Variants in AOAH observed in about 807,000 individuals in gnomAD.
The protein encoded by AOAH is acyloxyacyl hydrolase (neutrophil).
A neutral mutation model predicts 92.2 loss-of-function variants in AOAH; 64 were observed. That is an observed-to-expected ratio of 0.69 (90% CI 0.57 to 0.86). The LOEUF is 0.86. Among genes scored for constraint, AOAH ranks in the 40% least tolerant of loss-of-function variants. The pLI, the probability that AOAH is intolerant of heterozygous loss-of-function variation, is 0.00. For missense variants in AOAH, 656 were observed against 694.6 expected (o/e 0.94, Z 0.62); for synonymous variants, 263 against 254.5 (o/e 1.03, Z -0.32).
chr7:36,534,302 A>T (rs1784876554), intron 16 of AOAH, among the ~76,000 whole-genome samples: 2 of 152,268 alleles, frequency 1.3e-5, no homozygotes, highest in Admixed American at 6.5e-5. Flanking sequence ...GCACCTCCTC[A>T]GTCCCTCTCC....
intron 5 of AOAH, among the ~76,000 whole-genome samples, chr7:36,635,807 A>C (rs575681569): frequency 6.6e-6 from 1 of 152,228 alleles, no homozygotes; most frequent in Admixed American, 6.5e-5. Context: ...ACATAACTTA[A>C]CCTACCCGAG....
intron 16 of AOAH, among the ~76,000 whole-genome samples, chr7:36,536,836 C>G (rs756894722): frequency 1.3e-5 from 2 of 149,014 alleles, no homozygotes; most frequent in Non-Finnish European, 3.0e-5. Context: ...GTAATCCCAG[C>G]TACTCGGGGG....
At chr7:36,632,202 C>A in intron 5 of AOAH, 96 bp from the exon 6 acceptor site, 1 of 996,690 alleles carries the variant, frequency 1.0e-6, no homozygotes, top group Non-Finnish European at 1.5e-6. Flanking sequence ...TTTCTGGATC[C>A]TCCTTCCTCT....
intron 3 of AOAH, among the ~76,000 whole-genome samples, chr7:36,672,782 T>TA (rs544240272): frequency 1.4e-4 from 21 of 150,480 alleles, no homozygotes; most frequent in Admixed American, 6.0e-4. Flanking sequence ...AACTTAAAGT[T>TA]AAAAAAAAAT....
intron 4 of AOAH, among the ~76,000 whole-genome samples, chr7:36,649,533 C>G (rs946305987): frequency 3.3e-5 from 5 of 152,192 alleles, no homozygotes; most frequent in Admixed American, 3.3e-4. Context: ...AAAATGCTAA[C>G]TAGGCAAAAA....
intron 13 of AOAH, among the ~76,000 whole-genome samples, chr7:36,565,837 G>A (rs1787669595): frequency 6.6e-6 from 1 of 152,008 alleles, no homozygotes; most frequent in African/African-American, 2.4e-5. Flanking sequence ...CACCGTGCCT[G>A]GCCAAATGTG....
Position 36,663,848 on chromosome 7 carries a change from A to G in AOAH, c.291-4583T>C, listed in dbSNP as rs1208418818. On this transcript the variant is annotated intron_variant, in intron 3 of 20. Transcript: ENST00000617537. Reference sequence around the variant, plus strand: ...TATGAATCCTGGCTTGTATGGTGAGACTATATTTTGTTTCATAAGAAACTA... The same window carrying G: ...TATGAATCCTGGCTTGTATGGTGAGGCTATATTTTGTTTCATAAGAAACTA... Among the ~76,000 whole-genome samples, 3 of 152,080 alleles carry G rather than the reference A, an allele frequency of 2.0e-5. No homozygotes were observed. In the East Asian group the frequency reaches 5.8e-4, roughly 29 times the overall value.
At chr7:36,574,269 C>T (rs1168191124) in intron 13 of AOAH, among the ~76,000 whole-genome samples, 1 of 152,158 alleles carries the variant, frequency 6.6e-6, no homozygotes, top group Non-Finnish European at 1.5e-5. Flanking sequence ...CCCCTATTCC[C>T]CGGCATCTAT....
intron 2 of AOAH, among the ~76,000 whole-genome samples, chr7:36,682,318 C>A (rs1283250486): frequency 6.6e-6 from 1 of 152,144 alleles, no homozygotes; most frequent in Non-Finnish European, 1.5e-5. Context: ...TTAACACTAC[C>A]CCAAAACAAC....
At chr7:36,519,658 G>A (rs970188287) in intron 20 of AOAH, among the ~76,000 whole-genome samples, 5 of 152,278 alleles carry the variant, frequency 3.3e-5, no homozygotes, top group South Asian at 2.1e-4. Flanking sequence ...TAGAACTCCC[G>A]ACCTCAGGTG....
intron 13 of AOAH, among the ~76,000 whole-genome samples, chr7:36,551,365 T>C (rs1373064892): frequency 1.3e-5 from 2 of 152,028 alleles, no homozygotes; most frequent in South Asian, 2.1e-4. Flanking sequence ...AGCCACCGCA[T>C]CTGGCCTCAT....
intron 4 of AOAH, among the ~76,000 whole-genome samples, chr7:36,641,374 C>T (rs1793902982): frequency 6.6e-6 from 1 of 152,180 alleles, no homozygotes; most frequent in South Asian, 2.1e-4. Context: ...GCGCTGAAGT[C>T]TTGTTCCCCC....
chr7:36,632,507 G>T (rs1793193531), intron 5 of AOAH, among the ~76,000 whole-genome samples: 1 of 152,210 alleles, frequency 6.6e-6, no homozygotes, highest in Non-Finnish European at 1.5e-5. Context: ...CCAATCTGGG[G>T]TCTGGGAGGA....
rs185315973 is a variant in AOAH at position 36,713,005 on chromosome 7, C to T, written c.127+11017G>A. Reference sequence around the variant, plus strand: ...AATATTAACCTTAAATGTAAATGGGCTAAATGATCCAATTAAAAGACACAG... The same window carrying T: ...AATATTAACCTTAAATGTAAATGGGTTAAATGATCCAATTAAAAGACACAG... On this transcript the variant is annotated intron_variant, in intron 1 of 20. Transcript: ENST00000617537. Among the ~76,000 whole-genome samples, 105 of 151,090 alleles carry T rather than the reference C, an allele frequency of 6.9e-4. 2 individuals carry two copies. The East Asian group carries it at 0.017, about 24-fold the overall frequency.
intron 12 of AOAH, among the ~76,000 whole-genome samples, chr7:36,588,448 C>T (rs1237066874): frequency 6.6e-6 from 1 of 152,250 alleles, no homozygotes; most frequent in Non-Finnish European, 1.5e-5. Context: ...CAGAGGACCA[C>T]CTCTCTGGTT....
At chr7:36,641,736 G>A (rs147666383) in intron 4 of AOAH, among the ~76,000 whole-genome samples, 2 of 152,114 alleles carry the variant, frequency 1.3e-5, no homozygotes, top group African/African-American at 2.4e-5. Context: ...GCTCTAGGTA[G>A]GTGAGGACGG....
chr7:36,604,958 A>G (rs938150015), intron 11 of AOAH, among the ~76,000 whole-genome samples: 1 of 152,196 alleles, frequency 6.6e-6, no homozygotes, highest in Non-Finnish European at 1.5e-5. Context: ...GGTCAGGCTT[A>G]GTGATGCTAT....
At chr7:36,658,653 A>AT (rs1359955289) in intron 4 of AOAH, among the ~76,000 whole-genome samples, 3 of 152,174 alleles carry the variant, frequency 2.0e-5, no homozygotes, top group Non-Finnish European at 4.4e-5. Context: ...TGTGCTAAGC[A>AT]TTTTTTACAT....
chr7:36,627,770 C>A (rs1166425261), intron 6 of AOAH, among the ~76,000 whole-genome samples: 1 of 152,176 alleles, frequency 6.6e-6, no homozygotes, highest in African/African-American at 2.4e-5. Flanking sequence ...GTGTCACTCG[C>A]TGCCCCTGCT....
Sources: gnomAD v4.1 joint callset for allele counts (sites outside exome capture counted in the v4.1 genomes callset) on GRCh38, gnomAD v4.1.1 for gene constraint, MANE v1.5 for transcripts, NCBI Gene and HGNC (gene_info 2026-07-23, HGNC 2026-07-21) for gene names.